PAPPA2: variants seen among roughly 807,000 people sequenced by gnomAD.
PAPPA2 encodes the protein pappalysin-2.
PAPPA2 carries 86 observed loss-of-function variants against 176.4 expected under a neutral mutation model. The ratio of observed to expected loss-of-function variants is 0.49; its 90% CI spans 0.41 to 0.58. The LOEUF (loss-of-function observed/expected upper bound fraction) is 0.58, where lower values mean the gene tolerates loss of function less well. Ranked by LOEUF, PAPPA2 falls within the 20% of genes least tolerant of loss-of-function variation. The pLI, the probability that PAPPA2 is intolerant of heterozygous loss-of-function variation, is 0.00. For missense variants in PAPPA2, 2,073 were observed against 2,256.9 expected (o/e 0.92, Z 1.65); for synonymous variants, 809 against 852.2 (o/e 0.95, Z 0.88).
intron 3 of PAPPA2, among the ~76,000 whole-genome samples, chr1:176,652,955 C>T (rs1247078645): frequency 6.6e-6 from 1 of 151,712 alleles, no homozygotes; most frequent in Non-Finnish European, 1.5e-5. Flanking sequence ...GTGATACCCT[C>T]AGCAATTTAT....
At chr1:176,569,384 A>C (rs752254561) in intron 2 of PAPPA2, among the ~76,000 whole-genome samples, 7 of 151,918 alleles carry the variant, frequency 4.6e-5, no homozygotes, top group Non-Finnish European at 8.8e-5. Flanking sequence ...TTCTTATTTA[A>C]CCCCCTAGAT....
In PAPPA2 at chr1:176,538,483, G is replaced by A. The variant is rs1408917588; in HGVS notation, c.-916-16924G>A. Among the ~76,000 whole-genome samples, 3 of 152,288 alleles carry A rather than the reference G, an allele frequency of 2.0e-5. No homozygotes were observed. In the South Asian group the frequency reaches 6.2e-4, roughly 32 times the overall value. On this transcript the variant is annotated intron_variant, in intron 1 of 22. Transcript: ENST00000367662. ...ACATCAGAATCATGCCAAGGTCTGT[G>A]CCTTGATCCACTCTTCCAATTCAGA...
At position 176,706,434 on chromosome 1, in the gene PAPPA2, A is replaced by G; in HGVS notation, c.3441A>G (p.Glu1147=). The G allele has an allele frequency of 6.2e-7, 1 of 1,613,450 alleles. No individual in the cohort carries two copies. Among genetic ancestry groups the G allele is most frequent in the East Asian group, 2.2e-5 (1 of 44,846 alleles). The part of the protein sequence containing the change: ...DGCSKVCELE[E]GFNCVGEPSL... ...GCTCCAAGGTGTGTGAGCTGGAGGA[A>G]GGTTTCAACTGTGTAGGTAAGTTCA... The change falls in exon 10 of 23, where the codon GAA becomes GAG. Residue 1147 remains glutamate, a synonymous_variant. Coordinates refer to ENST00000367662, the MANE Select transcript of PAPPA2 (RefSeq NM_020318.3).
chr1:176,697,277 C>A (rs1482303917), intron 7 of PAPPA2, among the ~76,000 whole-genome samples: 1 of 152,094 alleles, frequency 6.6e-6, no homozygotes, highest in Admixed American at 6.5e-5. Flanking sequence ...TTTTGACTGG[C>A]AGTGCTGATG....
chr1:176,834,835 G>A (rs1395129182), intron 21 of PAPPA2, among the ~76,000 whole-genome samples: 1 of 152,194 alleles, frequency 6.6e-6, no homozygotes, highest in Non-Finnish European at 1.5e-5. Context: ...GCCAGTTGTG[G>A]TGGCTCAATG....
At chr1:176,624,878 G>T (rs554092739) in intron 3 of PAPPA2, among the ~76,000 whole-genome samples, 204 of 152,274 alleles carry the variant, frequency 1.3e-3, no homozygotes, top group Non-Finnish European at 2.4e-3. Context: ...TAACCAGGTT[G>T]CAGGGCAGAT....
intron 3 of PAPPA2, among the ~76,000 whole-genome samples, chr1:176,632,120 G>A (rs1006008508): frequency 6.6e-6 from 1 of 152,156 alleles, no homozygotes; most frequent in African/African-American, 2.4e-5. Flanking sequence ...GGAAGACAGT[G>A]AAGATTTTCA....
chr1:176,625,407 G>T (rs1558480772), intron 3 of PAPPA2, among the ~76,000 whole-genome samples: 2 of 152,112 alleles, frequency 1.3e-5, no homozygotes, highest in African/African-American at 2.4e-5. Context: ...ATTCGTCTGT[G>T]TCTCCCTGGT....
intron 1 of PAPPA2, among the ~76,000 whole-genome samples, chr1:176,465,271 G>A (rs1651563878): frequency 6.6e-6 from 1 of 152,154 alleles, no homozygotes; most frequent in Non-Finnish European, 1.5e-5. Flanking sequence ...ACTTCAAAAA[G>A]CAAGATGACT....
chr1:176,834,923 A>G (rs1667215164), intron 21 of PAPPA2, among the ~76,000 whole-genome samples: 1 of 152,160 alleles, frequency 6.6e-6, no homozygotes, highest in African/African-American at 2.4e-5. Context: ...GTGAGCTGAG[A>G]TCATGCCACT....
In PAPPA2 at chr1:176,650,851, T is replaced by C. The variant is rs151115701; in HGVS notation, c.1992-20119T>C. On this transcript the variant is annotated intron_variant, in intron 3 of 22. Transcript: ENST00000367662. ...TAGATTGTTTTAATTTGTTGCTTTG[T>C]AATTTTCCTAGATCTATTATAGGCT... Among the ~76,000 whole-genome samples the C allele has an allele frequency of 3.3e-3, 500 of 151,842 alleles. 5 individuals carry two copies. Among genetic ancestry groups the C allele is most frequent in the African/African-American group, 0.012 (485 of 41,488 alleles).
At chr1:176,807,733 T>G (rs1298257248) in intron 21 of PAPPA2, among the ~76,000 whole-genome samples, 3 of 152,074 alleles carry the variant, frequency 2.0e-5, no homozygotes, top group Non-Finnish European at 2.9e-5. Flanking sequence ...TGGCCTCAGG[T>G]GAACCACCCA....
intron 21 of PAPPA2, among the ~76,000 whole-genome samples, chr1:176,822,684 C>A (rs1193200089): frequency 6.6e-6 from 1 of 152,168 alleles, no homozygotes; most frequent in Admixed American, 6.5e-5. Flanking sequence ...AAGGTCCTAA[C>A]AAATGATGTA....
chr1:176,565,847 G>C (rs1305388079), intron 2 of PAPPA2, among the ~76,000 whole-genome samples: 1 of 152,186 alleles, frequency 6.6e-6, no homozygotes, highest in Non-Finnish European at 1.5e-5. Context: ...CTCTGAAATA[G>C]CAGGGAGTCC....
intron 2 of PAPPA2, among the ~76,000 whole-genome samples, chr1:176,572,317 C>T (rs1558445312): frequency 6.6e-6 from 1 of 152,176 alleles, no homozygotes; most frequent in African/African-American, 2.4e-5. Context: ...CTTTCTCACT[C>T]AGGGGCCAAG....
intron 17 of PAPPA2, among the ~76,000 whole-genome samples, 187 bp from the exon 18 acceptor site, chr1:176,789,622 A>G (rs576418564): frequency 6.6e-6 from 1 of 152,386 alleles, no homozygotes; most frequent in East Asian, 1.9e-4. Context: ...ACTTTGAATA[A>G]TAAATGAACA....
chr1:176,475,745 C>T (rs1652087118), intron 1 of PAPPA2, among the ~76,000 whole-genome samples: 1 of 152,034 alleles, frequency 6.6e-6, no homozygotes, highest in Non-Finnish European at 1.5e-5. Context: ...TTAGGGTGTT[C>T]TTTTGCTTTG....
intron 2 of PAPPA2, among the ~76,000 whole-genome samples, chr1:176,581,641 T>G (rs908302667): frequency 6.6e-6 from 1 of 152,136 alleles, no homozygotes; most frequent in Non-Finnish European, 1.5e-5. Context: ...TTCATCAGTG[T>G]GTTGTAGTTT....
Position 176,556,272 on chromosome 1 carries a change from T to G in PAPPA2, c.-51T>G, listed in dbSNP as rs1437858493. ...CTTTCTCGTCTGCCCATCACTCTGG[T>G]GTGGTACCCAGAAGTTGACTTCTGG... On this transcript the variant is annotated 5_prime_UTR_variant, in exon 2 of 23. Coordinates refer to ENST00000367662, the MANE Select transcript of PAPPA2 (RefSeq NM_020318.3). 1.9e-6 allele frequency: 3 copies of G among 1,560,138 alleles called. No individual in the cohort carries two copies. The highest frequency in any genetic ancestry group is 2.6e-6 in the Non-Finnish European group (3 of 1,146,952).
Sources: gnomAD v4.1 joint callset for allele counts (sites outside exome capture counted in the v4.1 genomes callset) on GRCh38, gnomAD v4.1.1 for gene constraint, MANE v1.5 for transcripts, NCBI Gene and HGNC (gene_info 2026-07-23, HGNC 2026-07-21) for gene names.